Variants in FRY observed in about 807,000 individuals in gnomAD.
FRY encodes the protein FRY microtubule binding protein, also known as protein furry homolog.
A neutral mutation model predicts 348.4 loss-of-function variants in FRY; 128 were observed. That is an observed-to-expected ratio of 0.37 (90% CI 0.32 to 0.43). FRY has a LOEUF of 0.43. Among genes scored for constraint, FRY ranks in the 20% least tolerant of loss-of-function variants. The pLI, the probability that FRY is intolerant of heterozygous loss-of-function variation, is 1.00. For missense variants in FRY, 2,736 were observed against 3,695.2 expected (o/e 0.74, Z 6.73); for synonymous variants, 1,370 against 1,374.7 (o/e 1.00, Z 0.08).
At chr13:32,159,856 T>G (rs1881341227) in intron 16 of FRY, among the ~76,000 whole-genome samples, 1 of 152,210 alleles carries the variant, frequency 6.6e-6, no homozygotes, top group Admixed American at 6.5e-5. Flanking sequence ...ATTGAGGATA[T>G]CTGAAAACAT....
chr13:32,271,403 T>C (rs1012641618), intron 55 of FRY, among the ~76,000 whole-genome samples: 2 of 152,160 alleles, frequency 1.3e-5, no homozygotes, highest in Non-Finnish European at 2.9e-5. Flanking sequence ...CCTCAAGCCA[T>C]GCATCTAGCA....
intron 2 of FRY, among the ~76,000 whole-genome samples, chr13:32,094,569 A>G (rs914855587): frequency 6.6e-6 from 1 of 152,010 alleles, no homozygotes; most frequent in African/African-American, 2.4e-5. Flanking sequence ...TATGAGTTCA[A>G]TTGTTTTAAT....
intron 35 of FRY, among the ~76,000 whole-genome samples, chr13:32,217,478 A>G (rs1450729022): frequency 6.6e-6 from 1 of 152,194 alleles, no homozygotes; most frequent in Non-Finnish European, 1.5e-5. Context: ...AAACACTCTC[A>G]AACATCCTTT....
intron 28 of FRY, among the ~76,000 whole-genome samples, chr13:32,189,949 T>A (rs1401377467): frequency 6.6e-6 from 1 of 151,992 alleles, no homozygotes; most frequent in East Asian, 1.9e-4. Flanking sequence ...AAAAAGATGA[T>A]TTACCATGGT....
In FRY at chr13:32,194,248, C is replaced by G; in HGVS notation, c.3697C>G (p.Gln1233Glu). ...AIDRCYTGSYQLASGCFKAIA... is the reference protein window; with the variant it reads ...AIDRCYTGSYELASGCFKAIA... Reference sequence around the variant, plus strand: ...TGACCGATGCTACACAGGTTCCTACCAACTTGCATCTGGCTGCTTCAAAGC... The same window carrying G: ...TGACCGATGCTACACAGGTTCCTACGAACTTGCATCTGGCTGCTTCAAAGC... The change falls in exon 29 of 61, where the codon CAA (glutamine) becomes GAA (glutamate). Residue 1233 changes from glutamine (Q) to glutamate (E), a missense_variant. Gln to Glu is a conservative substitution (Grantham distance 29, BLOSUM62 2). Coordinates refer to ENST00000542859, the MANE Select transcript of FRY (RefSeq NM_023037.3). The G allele has an allele frequency of 6.2e-7, 1 of 1,614,128 alleles. No individual in the cohort carries two copies.
At chr13:32,101,591 A>G (rs913851434) in intron 2 of FRY, among the ~76,000 whole-genome samples, 1 of 152,204 alleles carries the variant, frequency 6.6e-6, no homozygotes, top group Non-Finnish European at 1.5e-5. Flanking sequence ...CACTAACAAT[A>G]TACAAGAGTT....
chr13:32,282,137 G>T (rs569787078), intron 58 of FRY, among the ~76,000 whole-genome samples: 237 of 152,256 alleles, frequency 1.6e-3, no homozygotes, highest in Non-Finnish European at 2.7e-3. Context: ...ATATAATTTT[G>T]CTGACTAGAG....
intron 55 of FRY, among the ~76,000 whole-genome samples, chr13:32,268,493 AAAAAAAAAAAAAATATATATATAT>A (rs1308897281): frequency 2.3e-4 from 3 of 13,248 alleles, no homozygotes; most frequent in East Asian, 6.1e-3. Flanking sequence ...GTTTAAAAAA[AAAAAAAAAAAAAATATATATATAT>A]ATATATATAT....
At chr13:32,286,847 T>C (rs1248685065) in intron 58 of FRY, among the ~76,000 whole-genome samples, 6 of 150,990 alleles carry the variant, frequency 4.0e-5, no homozygotes, top group Non-Finnish European at 8.8e-5. Context: ...TAACTATTAG[T>C]TGTAGATTAC....
chr13:32,124,417 T>C, intron 5 of FRY, 41 bp downstream of exon 5: 1 of 1,155,512 alleles, frequency 8.7e-7, no homozygotes, highest in East Asian at 2.5e-5. Flanking sequence ...TAATATTTAT[T>C]GATCTAAAAA....
chr13:32,271,734 G>A (rs906992818), intron 55 of FRY, among the ~76,000 whole-genome samples: 131 of 152,218 alleles, frequency 8.6e-4, no homozygotes, highest in African/African-American at 3.1e-3. Context: ...CCTGAGAGGG[G>A]CTGATGTGCC....
At chr13:32,068,144 T>G (rs1488634645) in intron 1 of FRY, among the ~76,000 whole-genome samples, 1 of 152,160 alleles carries the variant, frequency 6.6e-6, no homozygotes, top group Non-Finnish European at 1.5e-5. Context: ...GATGTTTTTT[T>G]GAAGTTAAGA....
intron 1 of FRY, among the ~76,000 whole-genome samples, chr13:32,060,358 T>G (rs943194767): frequency 6.6e-6 from 1 of 152,236 alleles, no homozygotes; most frequent in African/African-American, 2.4e-5. Context: ...TTTTAACAAG[T>G]CAGTTTAGGC....
chr13:32,225,384 G>A (rs941530824), intron 38 of FRY, among the ~76,000 whole-genome samples: 2 of 152,218 alleles, frequency 1.3e-5, no homozygotes, highest in African/African-American at 4.8e-5. Context: ...ATAGGACGGA[G>A]TGGGCCAAGC....
intron 2 of FRY, among the ~76,000 whole-genome samples, chr13:32,087,999 TG>T (rs1211736259): frequency 5.9e-5 from 9 of 152,222 alleles, no homozygotes; most frequent in African/African-American, 2.2e-4. Flanking sequence ...ATTTGCAAGT[TG>T]GTTGTTTTTC....
intron 38 of FRY, 77 bp downstream of exon 38, chr13:32,225,113 A>C: frequency 1.2e-6 from 1 of 851,674 alleles, no homozygotes; most frequent in Non-Finnish European, 2.0e-6. Flanking sequence ...ATTTCCTTTC[A>C]CATTGACATC....
intron 22 of FRY, 76 bp downstream of exon 22, chr13:32,179,109 A>G: frequency 9.3e-7 from 1 of 1,080,494 alleles, no homozygotes; most frequent in East Asian, 2.4e-5. Context: ...CACAGTGCAA[A>G]TTGCACTGTG....
chr13:32,099,382 G>A (rs1876999960), intron 2 of FRY, among the ~76,000 whole-genome samples: 1 of 151,260 alleles, frequency 6.6e-6, no homozygotes, highest in South Asian at 2.1e-4. Flanking sequence ...ACACAAATAA[G>A]GGTAAGTAAC....
intron 46 of FRY, 105 bp from the exon 47 acceptor site, chr13:32,243,937 A>C: frequency 7.5e-7 from 1 of 1,328,528 alleles, no homozygotes. Context: ...TAAAAAAATA[A>C]AAAATAAAAA....
Sources: gnomAD v4.1 joint callset for allele counts (sites outside exome capture counted in the v4.1 genomes callset) on GRCh38, gnomAD v4.1.1 for gene constraint, MANE v1.5 for transcripts, NCBI Gene and HGNC (gene_info 2026-07-23, HGNC 2026-07-21) for gene names.